The following CDH18 variants were observed in gnomAD, a reference collection of about 807,000 sequenced individuals.
CDH18 encodes the protein cadherin 18.
A neutral mutation model predicts 67.9 loss-of-function variants in CDH18; 31 were observed. The ratio of observed to expected loss-of-function variants is 0.46; its 90% CI spans 0.34 to 0.62. The LOEUF (loss-of-function observed/expected upper bound fraction) is 0.62, where lower values mean the gene tolerates loss of function less well. CDH18 is among the 20% of genes least tolerant of loss of function. The probability of loss-of-function intolerance (pLI) is 0.01; values close to 1 mark genes in which losing one functional copy is unlikely to be tolerated. For missense variants in CDH18, 890 were observed against 975.5 expected, an observed-to-expected ratio of 0.91 and a Z score of 1.17; for synonymous variants, 362 against 347.2, an observed-to-expected ratio of 1.04 and a Z score of -0.48.
intron 5 of CDH18, among the ~76,000 whole-genome samples, chr5:19,693,261 C>T (rs1487420996): frequency 6.6e-6 from 1 of 152,220 alleles, no homozygotes; most frequent in Admixed American, 6.5e-5. Context: ...AGTCTTACTA[C>T]TCCTCAATCT....
intron 1 of CDH18, among the ~76,000 whole-genome samples, chr5:20,469,515 C>A (rs1751901092): frequency 6.6e-6 from 1 of 152,184 alleles, no homozygotes; most frequent in Non-Finnish European, 1.5e-5. Context: ...TCAACCTTTT[C>A]ACTCAAAGTG....
At chr5:20,055,750 T>C (rs969245341) in intron 2 of CDH18, among the ~76,000 whole-genome samples, 3 of 152,194 alleles carry the variant, frequency 2.0e-5, no homozygotes, top group Non-Finnish European at 2.9e-5. Context: ...TGAGTTAGCA[T>C]AGAGGATTTT....
At chr5:20,091,068 A>C (rs1745377518) in intron 2 of CDH18, among the ~76,000 whole-genome samples, 1 of 151,680 alleles carries the variant, frequency 6.6e-6, no homozygotes, top group African/African-American at 2.4e-5. Flanking sequence ...AGAAAAAAAA[A>C]AAGGGAAAAC....
At chr5:19,617,602 C>A (rs55694751) in intron 5 of CDH18, among the ~76,000 whole-genome samples, 1 of 152,298 alleles carries the variant, frequency 6.6e-6, no homozygotes, top group African/African-American at 2.4e-5. Flanking sequence ...GTTGGAAAGG[C>A]TTCACTGGCA....
intron 1 of CDH18, among the ~76,000 whole-genome samples, chr5:20,333,146 A>G (rs1000646533): frequency 2.0e-5 from 3 of 152,060 alleles, no homozygotes; most frequent in African/African-American, 7.2e-5. Context: ...CTCAAGGGAT[A>G]CAACCAGAAC....
At chr5:19,606,295 T>C (rs1040922316) in intron 6 of CDH18, among the ~76,000 whole-genome samples, 13 of 152,064 alleles carry the variant, frequency 8.5e-5, no homozygotes, top group African/African-American at 3.1e-4. Context: ...TAATTCAAAG[T>C]CATGATTAAA....
chr5:20,036,830 G>A lies in CDH18; in HGVS notation c.-517-44816C>T, dbSNP rs565663688. 7.9e-5 allele frequency among the ~76,000 whole-genome samples: 12 copies of A among 152,094 alleles called. No homozygotes were observed. The East Asian group carries it at 9.7e-4, about 12-fold the overall frequency. ...GGTGCATATATATTTAGGATAGTTA[G>A]CTCTTCTTGTTGCATTGATCCCTTT... On this transcript the variant is annotated intron_variant, in intron 2 of 14. Transcript: ENST00000507958.
At chr5:20,550,562 C>A (rs1335632809) in intron 1 of CDH18, among the ~76,000 whole-genome samples, 3 of 152,118 alleles carry the variant, frequency 2.0e-5, no homozygotes, top group Non-Finnish European at 4.4e-5. Flanking sequence ...ATCTAGGGAG[C>A]ACAAGCATGC....
At chr5:19,846,311 T>A (rs1018825299) in intron 2 of CDH18, among the ~76,000 whole-genome samples, 3 of 152,118 alleles carry the variant, frequency 2.0e-5, no homozygotes, top group Admixed American at 2.0e-4. Flanking sequence ...CACACTAACA[T>A]GCTTTATGTT....
At chr5:20,172,224 G>GTA (rs72180276) in intron 2 of CDH18, among the ~76,000 whole-genome samples, 241 of 19,476 alleles carry the variant, frequency 0.012, 10 homozygotes, top group Non-Finnish European at 0.017. Context: ...ATATATATAT[G>GTA]TATATATATA....
intron 2 of CDH18, among the ~76,000 whole-genome samples, chr5:20,157,776 G>C (rs887344453): frequency 6.6e-6 from 1 of 151,618 alleles, no homozygotes; most frequent in Non-Finnish European, 1.5e-5. Context: ...CTGAGTAGCG[G>C]GACTACAGGC....
rs117325665 is a variant in CDH18 at position 20,192,220 on chromosome 5, T to C, written c.-518+63224A>G. Reference sequence around the variant, plus strand: ...TCGACGTTTTTTTTTTTCTTGTAAATATGTTTAAGTTTTTGTAAATTCTGG... The same window carrying C: ...TCGACGTTTTTTTTTTTCTTGTAAACATGTTTAAGTTTTTGTAAATTCTGG... On this transcript the variant is annotated intron_variant, in intron 2 of 14. Coordinates refer to the CDH18 transcript ENST00000507958. Among the ~76,000 whole-genome samples, 41 of 151,816 alleles carry C rather than the reference T, an allele frequency of 2.7e-4. 2 individuals carry two copies. The East Asian group carries it at 8.0e-3, about 30-fold the overall frequency.
chr5:19,955,156 C>T (rs1406867409), intron 2 of CDH18, among the ~76,000 whole-genome samples: 4 of 152,050 alleles, frequency 2.6e-5, no homozygotes, highest in Non-Finnish European at 5.9e-5. Flanking sequence ...ATGTTTGCTT[C>T]CCCTTCCACC....
intron 1 of CDH18, among the ~76,000 whole-genome samples, chr5:20,326,469 A>G (rs111678031): frequency 0.014 from 2,101 of 152,172 alleles, 54 homozygotes; most frequent in African/African-American, 0.047. Flanking sequence ...TGATTAGAGG[A>G]AAAAAGTCTG....
intron 3 of CDH18, among the ~76,000 whole-genome samples, chr5:19,838,235 C>T (rs1220231059): frequency 1.3e-5 from 2 of 151,672 alleles, no homozygotes; most frequent in South Asian, 2.1e-4. Context: ...ATTTTAAAGG[C>T]TAAAAGTACA....
intron 2 of CDH18, among the ~76,000 whole-genome samples, chr5:19,949,670 C>T (rs1795600336): frequency 6.6e-6 from 1 of 151,948 alleles, no homozygotes. Flanking sequence ...AAAATTTTTG[C>T]TAAACAATAA....
At chr5:19,890,825 TA>T (rs1266821421) in intron 2 of CDH18, among the ~76,000 whole-genome samples, 1 of 152,008 alleles carries the variant, frequency 6.6e-6, no homozygotes, top group Non-Finnish European at 1.5e-5. Context: ...CAATGTATTT[TA>T]AATGTCATAT....
chr5:19,722,298 C>T (rs1561146909), intron 4 of CDH18, among the ~76,000 whole-genome samples: 1 of 151,886 alleles, frequency 6.6e-6, no homozygotes, highest in Non-Finnish European at 1.5e-5. Context: ...TGGTGATCCG[C>T]CCCGCTCAGC....
intron 1 of CDH18, among the ~76,000 whole-genome samples, chr5:20,513,959 C>A (rs906877569): frequency 2.0e-5 from 3 of 152,104 alleles, no homozygotes; most frequent in Non-Finnish European, 4.4e-5. Context: ...CAGGCATTCA[C>A]AAAAATGTTG....
Sources: gnomAD v4.1 joint callset for allele counts (sites outside exome capture counted in the v4.1 genomes callset) on GRCh38, gnomAD v4.1.1 for gene constraint, MANE v1.5 for transcripts, NCBI Gene and HGNC (gene_info 2026-07-23, HGNC 2026-07-21) for gene names.